Variants in AGAP5 observed in about 807,000 individuals in gnomAD.
The protein encoded by AGAP5 is arf-GAP with GTPase, ANK repeat and PH domain-containing protein 5.
AGAP5 carries 8 observed loss-of-function variants against 27.7 expected under a neutral mutation model. That is an observed-to-expected ratio of 0.29 (90% CI 0.17 to 0.52). The LOEUF (loss-of-function observed/expected upper bound fraction) is 0.52, where lower values mean the gene tolerates loss of function less well. Ranked by LOEUF, AGAP5 falls within the 20% of genes least tolerant of loss-of-function variation. The pLI is 0.97. For synonymous variants in AGAP5, 111 were observed against 338.0 expected, an observed-to-expected ratio of 0.33 and a Z score of 7.37; for missense variants, 285 against 880.8, an observed-to-expected ratio of 0.32 and a Z score of 8.56.
At position 73,675,764 on chromosome 10, in the gene AGAP5, G is replaced by A; in HGVS notation, c.896C>T (p.Thr299Ile). Residue 299 changes from threonine (T) to isoleucine (I), a missense_variant, in exon 8 of 8, where the codon ACA becomes ATA. Physicochemically the swap from Thr to Ile is moderately conservative, Grantham distance 89. Transcript: ENST00000374094. ...CAGGGTGACGTATTTCTTTTTCCAT[G>A]TCTTCAGCCATTTCCCACTTCGCTT... ...LLKRSGKWLK[T>I]WKKKYVTLCS... The A allele has an allele frequency of 6.2e-7, 1 of 1,610,954 alleles. No individual in the cohort carries two copies. Among genetic ancestry groups the A allele is most frequent in the Non-Finnish European group, 8.5e-7 (1 of 1,178,906 alleles).
chr10:73,687,985 G>A (rs2031680137), intron 4 of AGAP5, among the ~76,000 whole-genome samples: 1 of 152,030 alleles, frequency 6.6e-6, no homozygotes, highest in Non-Finnish European at 1.5e-5. Context: ...ACAGGCAAAT[G>A]GCACTTTGGA....
At chr10:73,681,346 A>G (rs2082023037) in intron 5 of AGAP5, 3 of 985,426 alleles carry the variant, frequency 3.0e-6, no homozygotes, top group Non-Finnish European at 3.6e-6. Context: ...CAGTGCCTAC[A>G]GATAGAGGGA....
chr10:73,692,131 A>T, intron 3 of AGAP5, 54 bp from the exon 4 acceptor site: 1 of 1,354,806 alleles, frequency 7.4e-7, no homozygotes, highest in Non-Finnish European at 1.0e-6. Flanking sequence ...ATAAAATAAA[A>T]GTAGTTGTTA....
chr10:73,681,337 A>G, intron 5 of AGAP5: 1 of 985,420 alleles, frequency 1.0e-6, no homozygotes, highest in Non-Finnish European at 1.2e-6. Flanking sequence ...AAGGCTTCTC[A>G]GTGCCTACAG....
intron 3 of AGAP5, 151 bp downstream of exon 3, chr10:73,694,585 G>C: frequency 7.6e-7 from 1 of 1,318,184 alleles, no homozygotes; most frequent in Non-Finnish European, 1.0e-6. Context: ...AACAACTAAA[G>C]GAAAGTATAT....
Position 73,674,423 on chromosome 10 carries a change from T to A in AGAP5, c.*176A>T. ...ACACATCCACCTTGGCAAAAGGACA[T>A]AAAATATGTCTTATGGTCAGAAAAA... On this transcript the variant is annotated 3_prime_UTR_variant, in exon 8 of 8. Transcript: ENST00000374094. 1.5e-6 allele frequency: 2 copies of A among 1,354,310 alleles called. No individual in the cohort carries two copies. Among genetic ancestry groups the A allele is most frequent in the East Asian group, 5.0e-5 (2 of 39,892 alleles). The allele number at this position is 1,354,310 out of a possible 1,614,324, so 83.9% of individuals were successfully genotyped here.
chr10:73,688,079 A>G (rs573870508), intron 4 of AGAP5, among the ~76,000 whole-genome samples: 1 of 152,234 alleles, frequency 6.6e-6, no homozygotes, highest in East Asian at 1.9e-4. Flanking sequence ...CTGTCCTTCC[A>G]TCTGACAAGA....
At chr10:73,690,980 C>T (rs2082112926) in intron 4 of AGAP5, among the ~76,000 whole-genome samples, 1 of 152,170 alleles carries the variant, frequency 6.6e-6, no homozygotes, top group Non-Finnish European at 1.5e-5. Context: ...TGGAAAATAT[C>T]TTTGAAAGGC....
intron 4 of AGAP5, among the ~76,000 whole-genome samples, chr10:73,689,596 C>T (rs1444735233): frequency 1.1e-4 from 17 of 151,230 alleles, no homozygotes; most frequent in Middle Eastern, 3.4e-3. Context: ...AGTCTCTGCC[C>T]GGCCACCCAT....
chr10:73,692,602 C>T (rs1273981190), intron 3 of AGAP5, among the ~76,000 whole-genome samples: 7 of 138,250 alleles, frequency 5.1e-5, no homozygotes, highest in Admixed American at 1.4e-4. Context: ...AAAAAACGGT[C>T]TTTACACAAC....
At chr10:73,679,395 C>T (rs984786818) in intron 6 of AGAP5, among the ~76,000 whole-genome samples, 1 of 152,012 alleles carries the variant, frequency 6.6e-6, no homozygotes, top group African/African-American at 2.4e-5. Context: ...ATCTCCTGAC[C>T]TTGTGATCCG....
rs369268949 is a variant in AGAP5, at chr10:73,674,316, T to A, written c.*283A>T. Reference sequence around the variant, plus strand: ...CATATTTATGAACTTTTTTTTCAAATATATTTTCACACATTTTATCTAAAT... The same window carrying A: ...CATATTTATGAACTTTTTTTTCAAAAATATTTTCACACATTTTATCTAAAT... On this transcript the variant is annotated 3_prime_UTR_variant, in exon 8 of 8. Coordinates refer to ENST00000374094, the MANE Select transcript of AGAP5 (RefSeq NM_001144000.4). The A allele has an allele frequency of 2.1e-5, 14 of 658,514 alleles. No homozygotes were observed. In the East Asian group the frequency reaches 2.8e-4, roughly 13 times the overall value. 40.8% of individuals were successfully genotyped at this position (658,514 alleles called of 1,614,324 possible).
chr10:73,677,734 T>A (rs1028634397), intron 6 of AGAP5, among the ~76,000 whole-genome samples: 7 of 151,906 alleles, frequency 4.6e-5, no homozygotes, highest in African/African-American at 1.7e-4. Context: ...TGATGAAAAA[T>A]TTTAAAAATT....
intron 4 of AGAP5, among the ~76,000 whole-genome samples, chr10:73,690,919 G>T (rs965041234): frequency 1.3e-5 from 2 of 152,166 alleles, no homozygotes; most frequent in African/African-American, 4.8e-5. Context: ...AAAGGCCAAA[G>T]AAAGTTGCCC....
At chr10:73,690,109 C>T (rs1373931306) in intron 4 of AGAP5, among the ~76,000 whole-genome samples, 1 of 152,238 alleles carries the variant, frequency 6.6e-6, no homozygotes, top group Non-Finnish European at 1.5e-5. Flanking sequence ...GGGAGGTGTA[C>T]CCATCAGCTC....
chr10:73,687,557 T>C (rs1312400958), intron 4 of AGAP5, among the ~76,000 whole-genome samples: 7 of 152,220 alleles, frequency 4.6e-5, no homozygotes, highest in Non-Finnish European at 8.8e-5. Flanking sequence ...TGTGAAGTAA[T>C]GGGAAGTATA....
rs1178687209 is a variant in AGAP5 at position 73,675,460 on chromosome 10, C to T, written c.1200G>A (p.Lys400=). 1.9e-6 allele frequency: 3 copies of T among 1,613,780 alleles called. No homozygotes were observed. The Middle Eastern group carries it at 5.0e-4, about 266-fold the overall frequency. ...NPPPSPHANK[K]KHLKKKSTNN... Reference sequence around the variant, plus strand: ...TGGTGCTTTTCTTCTTTAGGTGTTTCTTTTTATTGGCATGAGGAGAGGGGG... The same window carrying T: ...TGGTGCTTTTCTTCTTTAGGTGTTTTTTTTTATTGGCATGAGGAGAGGGGG... The change falls in exon 8 of 8, where the codon AAG becomes AAA. Residue 400 remains lysine (K), a synonymous_variant. Coordinates refer to ENST00000374094, the MANE Select transcript of AGAP5 (RefSeq NM_001144000.4).
At chr10:73,687,546 T>C (rs2082075552) in intron 4 of AGAP5, among the ~76,000 whole-genome samples, 1 of 152,224 alleles carries the variant, frequency 6.6e-6, no homozygotes, top group Admixed American at 6.5e-5. Context: ...TCCATATATG[T>C]TGTGAAGTAA....
chr10:73,676,519 T>C (rs1295088862), intron 7 of AGAP5, among the ~76,000 whole-genome samples, 200 bp downstream of exon 7: 2 of 147,660 alleles, frequency 1.4e-5, no homozygotes, highest in African/African-American at 5.0e-5. Flanking sequence ...GTTGTTTGGA[T>C]AGTATATTTA....
Sources: gnomAD v4.1 joint callset for allele counts (sites outside exome capture counted in the v4.1 genomes callset) on GRCh38, gnomAD v4.1.1 for gene constraint, MANE v1.5 for transcripts, NCBI Gene and HGNC (gene_info 2026-07-23, HGNC 2026-07-21) for gene names.